The following TCAIM variants were observed in gnomAD, a reference collection of about 807,000 sequenced individuals.
TCAIM encodes T cell activation inhibitor, mitochondrial.
A neutral mutation model predicts 58.6 loss-of-function variants in TCAIM; 36 were observed. The ratio of observed to expected loss-of-function variants is 0.61; its 90% confidence interval spans 0.47 to 0.81. The LOEUF (loss-of-function observed/expected upper bound fraction) is 0.81, where lower values mean the gene tolerates loss of function less well. TCAIM is among the 30% of genes least tolerant of loss of function. TCAIM has a pLI of 0.00. For synonymous variants in TCAIM, 172 were observed against 193.6 expected, an observed-to-expected ratio of 0.89 and a Z score of 0.93; for missense variants, 466 against 579.6, an observed-to-expected ratio of 0.80 and a Z score of 2.01.
At chr3:44,398,379 G>A (rs1412434055) in intron 8 of TCAIM, among the ~76,000 whole-genome samples, 5 of 152,068 alleles carry the variant, frequency 3.3e-5, no homozygotes, top group Admixed American at 6.5e-5. Flanking sequence ...GCAGTGAGCC[G>A]AGATTGCGCC....
intron 6 of TCAIM, 83 bp from the exon 7 acceptor site, chr3:44,396,317 A>G (rs970380859): frequency 1.8e-5 from 21 of 1,147,158 alleles, no homozygotes; most frequent in Non-Finnish European, 2.4e-5. Context: ...TTGGCTTTCC[A>G]AGGACTCCAG....
At chr3:44,381,317 C>G (rs1444029772) in intron 5 of TCAIM, among the ~76,000 whole-genome samples, 2 of 152,006 alleles carry the variant, frequency 1.3e-5, no homozygotes, top group Non-Finnish European at 2.9e-5. Context: ...CATACAAAAT[C>G]AATCAGTGCG....
chr3:44,349,571 TG>T (rs747107774), intron 1 of TCAIM, among the ~76,000 whole-genome samples: 45 of 152,064 alleles, frequency 3.0e-4, no homozygotes, highest in Non-Finnish European at 5.3e-4. Flanking sequence ...AGGTTATGCT[TG>T]CCACCAAAGT....
chr3:44,351,629 G>A lies in TCAIM; in HGVS notation c.-44-3110G>A, dbSNP rs368178960. Among the ~76,000 whole-genome samples, 152 of 151,934 alleles carry A rather than the reference G, an allele frequency of 1.0e-3. No homozygotes were observed. The East Asian group carries it at 0.018, about 18-fold the overall frequency. ...GCTGCCTCAGCCTCCCAAGTAGCTG[G>A]GATTACAGGGTCCCACTACCACACC... On this transcript the variant is annotated intron_variant, in intron 1 of 10. Transcript: ENST00000342649.
chr3:44,373,486 C>T (rs1701512928), intron 5 of TCAIM, among the ~76,000 whole-genome samples: 1 of 101,088 alleles, frequency 9.9e-6, no homozygotes, highest in Admixed American at 1.2e-4. Context: ...GAAACCCCAT[C>T]TCTATTAAAA....
intron 3 of TCAIM, 60 bp downstream of exon 3, chr3:44,357,936 CAATAT>C (rs1701229329): frequency 3.8e-6 from 6 of 1,559,650 alleles, no homozygotes; most frequent in Non-Finnish European, 5.2e-6. Context: ...ACCTTTGATA[CAATAT>C]AATACATAGA....
intron 2 of TCAIM, among the ~76,000 whole-genome samples, chr3:44,356,451 C>T (rs963773200): frequency 1.3e-5 from 2 of 151,716 alleles, no homozygotes; most frequent in African/African-American, 4.8e-5. Context: ...TGCTTGAACC[C>T]AGGGTACAGA....
chr3:44,387,909 A>G (rs2125649135), intron 5 of TCAIM, among the ~76,000 whole-genome samples: 1 of 152,312 alleles, frequency 6.6e-6, no homozygotes, highest in South Asian at 2.1e-4. Flanking sequence ...GTTAGAGACT[A>G]AAATAAAAAA....
At chr3:44,354,921 G>A in intron 2 of TCAIM, 110 bp downstream of exon 2, 1 of 1,292,752 alleles carries the variant, frequency 7.7e-7, no homozygotes, top group South Asian at 1.5e-5. Flanking sequence ...GTTATATTAT[G>A]GTGGAAAGCT....
chr3:44,371,554 C>G (rs1237031347), intron 5 of TCAIM, among the ~76,000 whole-genome samples: 3 of 152,114 alleles, frequency 2.0e-5, no homozygotes, highest in Non-Finnish European at 2.9e-5. Flanking sequence ...GAGTGAAATG[C>G]AGGGTAGGCT....
intron 10 of TCAIM, among the ~76,000 whole-genome samples, 171 bp downstream of exon 10, chr3:44,401,505 G>A (rs1199289007): frequency 1.3e-5 from 2 of 151,962 alleles, no homozygotes; most frequent in East Asian, 1.9e-4. Context: ...TTACCACCAC[G>A]GACCTCAGTT....
intron 8 of TCAIM, among the ~76,000 whole-genome samples, chr3:44,399,193 G>C (rs568900313): frequency 1.3e-5 from 2 of 152,118 alleles, no homozygotes; most frequent in Non-Finnish European, 2.9e-5. Flanking sequence ...TTAATGAATT[G>C]TATCAATGTC....
chr3:44,404,055 C>CT (rs1182842590), intron 10 of TCAIM, among the ~76,000 whole-genome samples: 1 of 152,142 alleles, frequency 6.6e-6, no homozygotes, highest in African/African-American at 2.4e-5. Context: ...CTGCTCCAGC[C>CT]TTTTTATAGT....
At chr3:44,372,077 G>GGAAGGAAGGAAGGAAGGAAGGAAC (rs1232901051) in intron 5 of TCAIM, among the ~76,000 whole-genome samples, 33 of 146,238 alleles carry the variant, frequency 2.3e-4, no homozygotes, top group African/African-American at 7.3e-4. Flanking sequence ...AAGGAAGGAA[G>GGAAGGAAGGAAGGAAGGAAGGAAC]ATACAGTATT....
At chr3:44,339,130 A>G (rs946173682) in intron 1 of TCAIM, among the ~76,000 whole-genome samples, 4 of 152,358 alleles carry the variant, frequency 2.6e-5, no homozygotes, top group African/African-American at 9.6e-5. Flanking sequence ...AGGAAGCTAC[A>G]GAATCTAGGC....
chr3:44,373,264 C>G (rs1303011335), intron 5 of TCAIM, among the ~76,000 whole-genome samples: 1 of 152,036 alleles, frequency 6.6e-6, no homozygotes, highest in East Asian at 1.9e-4. Flanking sequence ...CCATTAATTA[C>G]ATTTTAATGT....
chr3:44,402,210 G>C (rs1702031616), intron 10 of TCAIM, among the ~76,000 whole-genome samples: 1 of 151,604 alleles, frequency 6.6e-6, no homozygotes. Context: ...TTCAAGACCA[G>C]TCTAGGCAAC....
chr3:44,395,218 A>G (rs1701915620), intron 6 of TCAIM, among the ~76,000 whole-genome samples: 1 of 151,952 alleles, frequency 6.6e-6, no homozygotes, highest in Non-Finnish European at 1.5e-5. Context: ...AAAAATTAAT[A>G]TTCTTTGAAA....
chr3:44,369,276 C>G (rs560380491), intron 5 of TCAIM, among the ~76,000 whole-genome samples: 1 of 152,080 alleles, frequency 6.6e-6, no homozygotes, highest in Non-Finnish European at 1.5e-5. Context: ...ACTTATCTTG[C>G]GCTGTGTCTA....
Sources: allele counts gnomAD v4.1 joint callset (sites outside exome capture counted in the v4.1 genomes callset), GRCh38; gene constraint gnomAD v4.1.1; transcripts MANE v1.5; gene names NCBI Gene and HGNC (gene_info 2026-07-23, HGNC 2026-07-21).